Variants in FOXK1 observed in about 807,000 individuals in gnomAD.
FOXK1 encodes forkhead box protein K1.
FOXK1 carries 19 observed loss-of-function variants against 51.9 expected under a neutral mutation model. That is an observed-to-expected ratio of 0.37 (90% CI 0.26 to 0.54). The LOEUF (loss-of-function observed/expected upper bound fraction) is 0.54. FOXK1 is among the 20% of genes least tolerant of loss of function. The pLI is 0.87. For synonymous variants in FOXK1, 537 were observed against 482.6 expected (o/e 1.11, Z -1.48); for missense variants, 870 against 1,032.7 (o/e 0.84, Z 2.16).
Position 4,709,720 on chromosome 7 carries a change from C to T in FOXK1, c.560+26852C>T, listed in dbSNP as rs991490462. On this transcript the variant is annotated intron_variant, in intron 1 of 8. Transcript: ENST00000328914. The surrounding 1 kb of genome is among the most constrained non-coding windows in gnomAD (Gnocchi z 5.6). ...TGCGTTTTACGCCATTGGTTTGGACCCTGGAGCAGTGAAGTTCCACAGTGT... is the reference window on the plus strand; with the variant it reads ...TGCGTTTTACGCCATTGGTTTGGACTCTGGAGCAGTGAAGTTCCACAGTGT... Among the ~76,000 whole-genome samples the T allele has an allele frequency of 2.0e-5, 3 of 152,156 alleles. No homozygotes were observed. Among genetic ancestry groups the T allele is most frequent in the Non-Finnish European group, 4.4e-5 (3 of 68,030 alleles).
chr7:4,689,196 T>C (rs910824837), intron 1 of FOXK1, among the ~76,000 whole-genome samples: 1 of 152,104 alleles, frequency 6.6e-6, no homozygotes, highest in Non-Finnish European at 1.5e-5. Context: ...CAGGCCAGTC[T>C]TGAACTCCTG....
Position 4,753,968 on chromosome 7 carries a change from C to T in FOXK1, c.747-491C>T, listed in dbSNP as rs1780810582. Among the ~76,000 whole-genome samples, 1 of 152,210 alleles carries T rather than the reference C, an allele frequency of 6.6e-6. No individual in the cohort carries two copies. Among genetic ancestry groups the T allele is most frequent in the Non-Finnish European group, 1.5e-5 (1 of 68,030 alleles). On this transcript the variant is annotated intron_variant, in intron 2 of 8. Coordinates refer to ENST00000328914, the MANE Select transcript of FOXK1 (RefSeq NM_001037165.2). The surrounding 1 kb of genome is among the most constrained non-coding windows in gnomAD (Gnocchi z 4.9). ...GGAGAGCCACCTGCCACGCCTTCAC[C>T]CTGCAGGGCGATGGCACCTCCACAG...
rs906969399 is a variant in FOXK1 at position 4,735,761 on chromosome 7, G to A, written c.561-5077G>A. On this transcript the variant is annotated intron_variant, in intron 1 of 8. Coordinates refer to ENST00000328914, the MANE Select transcript of FOXK1 (RefSeq NM_001037165.2). The surrounding 1 kb of genome is among the most constrained non-coding windows in gnomAD (Gnocchi z 4.7). ...GTGCAGCACCTTCACGATGCAAAAC[G>A]TGCTCGTTCAGACTCCAGCTAGAGC... is the stretch of plus-strand genomic sequence containing the variant. Among the ~76,000 whole-genome samples, 2 of 152,174 alleles carry A rather than the reference G, an allele frequency of 1.3e-5. No homozygotes were observed. Among genetic ancestry groups the A allele is most frequent in the African/African-American group, 2.4e-5 (1 of 41,442 alleles).
Position 4,753,103 on chromosome 7 carries a change from G to A in FOXK1, c.747-1356G>A, listed in dbSNP as rs1780800000. 2.0e-5 allele frequency among the ~76,000 whole-genome samples: 3 copies of A among 152,282 alleles called. No homozygotes were observed. In the South Asian group the frequency reaches 6.2e-4, roughly 32 times the overall value. ...GGGAGTCCGTTGTAAGAGAGAATGG[G>A]AATTCCAGATCAGAGTCCTTAACGT... On this transcript the variant is annotated intron_variant, in intron 2 of 8. Coordinates refer to ENST00000328914, the MANE Select transcript of FOXK1 (RefSeq NM_001037165.2). The surrounding 1 kb of genome is among the most constrained non-coding windows in gnomAD (Gnocchi z 4.9).
At chr7:4,684,531 C>G (rs773602921) in intron 1 of FOXK1, among the ~76,000 whole-genome samples, 2 of 152,162 alleles carry the variant, frequency 1.3e-5, no homozygotes, top group African/African-American at 4.8e-5. Context: ...CAGGAGATAA[C>G]AAATTTGTTC....
rs868512456 is a variant in FOXK1, at chr7:4,743,278, C to T, written c.746+2255C>T. Among the ~76,000 whole-genome samples the T allele has an allele frequency of 8.5e-5, 13 of 152,214 alleles. No individual in the cohort carries two copies. The highest frequency in any genetic ancestry group is 5.9e-4 in the Admixed American group (9 of 15,284). On this transcript the variant is annotated intron_variant, in intron 2 of 8. Coordinates refer to ENST00000328914, the MANE Select transcript of FOXK1 (RefSeq NM_001037165.2). The surrounding 1 kb of genome is among the most constrained non-coding windows in gnomAD (Gnocchi z 5.3). ...CACTTTAAAGAGTGAACTGGCCGGG[C>T]GCGGTGGCTCACACTGGTAATGCCA...
intron 1 of FOXK1, among the ~76,000 whole-genome samples, chr7:4,690,164 G>A (rs1779873837): frequency 6.6e-6 from 1 of 152,226 alleles, no homozygotes; most frequent in Admixed American, 6.5e-5. Context: ...CAGGACTGGA[G>A]AGGAGCAGAT....
At position 4,715,250 on chromosome 7, in the gene FOXK1, T is replaced by A. The variant is rs1412653415; in HGVS notation, c.561-25588T>A. On this transcript the variant is annotated intron_variant, in intron 1 of 8. Coordinates refer to ENST00000328914, the MANE Select transcript of FOXK1 (RefSeq NM_001037165.2). This position sits in a 1 kb window ranked among gnomAD's most constrained non-coding sequence, Gnocchi z 4.5. ...GATATCGGGCATGGCGAAATTGTGATACGGTGCATGGTGTTTTGTTTCAAG... is the reference window on the plus strand; with the variant it reads ...GATATCGGGCATGGCGAAATTGTGAAACGGTGCATGGTGTTTTGTTTCAAG... Among the ~76,000 whole-genome samples the A allele has an allele frequency of 6.6e-6, 1 of 152,132 alleles. No homozygotes were observed. Among genetic ancestry groups the A allele is most frequent in the Non-Finnish European group, 1.5e-5 (1 of 68,022 alleles).
chr7:4,705,552 T>TCGCTCTCGCTCTCACTCTCG (rs760518643), intron 1 of FOXK1, among the ~76,000 whole-genome samples: 9 of 143,692 alleles, frequency 6.3e-5, no homozygotes, highest in Non-Finnish European at 7.5e-5. Flanking sequence ...TCTCTCTCTC[T>TCGCTCTCGCTCTCACTCTCG]CTCTCTCGCT....
chr7:4,757,082 G>A lies in FOXK1; in HGVS notation c.1139G>A (p.Arg380Gln), dbSNP rs763312776. The A allele has an allele frequency of 5.0e-6, 8 of 1,613,738 alleles. No individual in the cohort carries two copies. Among genetic ancestry groups the A allele is most frequent in the African/African-American group, 2.7e-5 (2 of 74,922 alleles). The stretch of plus-strand genomic sequence containing the variant: ...GAGCCTGGGAAGGGGTCCTTTTGGC[G>A]AATAGACCCTGCCTCTGAAGCCAAG... The part of the protein sequence containing the change: ...QEEPGKGSFW[R>Q]IDPASEAKLV... The change falls in exon 5 of 9, where the codon CGA (arginine) becomes CAA (glutamine). Residue 380 changes from arginine to glutamine, a missense_variant. Coordinates refer to ENST00000328914, the MANE Select transcript of FOXK1 (RefSeq NM_001037165.2).
chr7:4,754,522 G>C lies in FOXK1; in HGVS notation c.810G>C (p.Gln270His). ...GCTCCTCCAGTTACCGCTTTGTGCA[G>C]AACGTGACCTCGGACCTGCAGCTGG... is the stretch of plus-strand genomic sequence containing the variant. ...GAGSSSYRFV[Q>H]NVTSDLQLAA... The change falls in exon 3 of 9, where the codon CAG becomes CAC. Residue 270 changes from glutamine (Q) to histidine (H), a missense_variant. Around this residue, in one of 3 missense-constraint regions of FOXK1, gnomAD observed 399 missense variants for 475.6 expected, o/e 0.84. Transcript: ENST00000328914. The C allele has an allele frequency of 1.2e-6, 2 of 1,612,758 alleles. No homozygotes were observed. Among genetic ancestry groups the C allele is most frequent in the Non-Finnish European group, 1.7e-6 (2 of 1,180,038 alleles).
chr7:4,704,603 G>GCTAAT (rs961086796), intron 1 of FOXK1, among the ~76,000 whole-genome samples: 1 of 152,076 alleles, frequency 6.6e-6, no homozygotes, highest in African/African-American at 2.4e-5. Context: ...GATAAGCTAA[G>GCTAAT]CTGGGATCCA....
intron 1 of FOXK1, among the ~76,000 whole-genome samples, chr7:4,716,680 A>C (rs114663813): frequency 6.6e-6 from 1 of 152,142 alleles, no homozygotes; most frequent in Non-Finnish European, 1.5e-5. Flanking sequence ...GCGGGTGAGT[A>C]CAGAGGCCAG....
intron 1 of FOXK1, among the ~76,000 whole-genome samples, chr7:4,699,181 G>A (rs1338008070): frequency 3.3e-5 from 5 of 152,056 alleles, no homozygotes; most frequent in African/African-American, 1.2e-4. Flanking sequence ...TTATGTTCTG[G>A]GCTGGCTCTC....
At chr7:4,706,457 T>C (rs1780103661) in intron 1 of FOXK1, among the ~76,000 whole-genome samples, 1 of 152,070 alleles carries the variant, frequency 6.6e-6, no homozygotes, top group African/African-American at 2.4e-5. Flanking sequence ...CCTCTGGCCC[T>C]AGAGTGGGGT....
chr7:4,739,951 G>A (rs1271444174), intron 1 of FOXK1, among the ~76,000 whole-genome samples: 6 of 152,150 alleles, frequency 3.9e-5, no homozygotes, highest in East Asian at 1.9e-4. Flanking sequence ...TGGCATCAGC[G>A]GCACTTGTCT....
rs992243528 is a variant in FOXK1, at chr7:4,753,161, A to G, written c.747-1298A>G. Among the ~76,000 whole-genome samples, 3 of 152,128 alleles carry G rather than the reference A, an allele frequency of 2.0e-5. No individual in the cohort carries two copies. The highest frequency in any genetic ancestry group is 1.9e-4 in the East Asian group (1 of 5,190). On this transcript the variant is annotated intron_variant, in intron 2 of 8. Coordinates refer to ENST00000328914, the MANE Select transcript of FOXK1 (RefSeq NM_001037165.2). This position sits in a 1 kb window ranked among gnomAD's most constrained non-coding sequence, Gnocchi z 4.9. ...GGGTGACACTGAGTCCTTCCTGAAA[A>G]TGCCCCAGACCTGAACTGATCATTA...
intron 1 of FOXK1, among the ~76,000 whole-genome samples, chr7:4,726,079 T>C (rs1037411503): frequency 6.6e-6 from 1 of 152,108 alleles, no homozygotes; most frequent in African/African-American, 2.4e-5. Flanking sequence ...GGGTTTGCAT[T>C]TGGGGGCTCT....
rs962301149 is a variant in FOXK1 at position 4,729,066 on chromosome 7, C to T, written c.561-11772C>T. On this transcript the variant is annotated intron_variant, in intron 1 of 8. Coordinates refer to ENST00000328914, the MANE Select transcript of FOXK1 (RefSeq NM_001037165.2). This position sits in a 1 kb window ranked among gnomAD's most constrained non-coding sequence, Gnocchi z 6.2. ...TTGCTCGTCGCAAGCAAGCTCTGCCCGGGTCAGCCCCAGAGGGTTGCAGAA... is the reference window on the plus strand; with the variant it reads ...TTGCTCGTCGCAAGCAAGCTCTGCCTGGGTCAGCCCCAGAGGGTTGCAGAA... 3.3e-5 allele frequency among the ~76,000 whole-genome samples: 5 copies of T among 152,208 alleles called. No homozygotes were observed. The South Asian group carries it at 6.2e-4, about 19-fold the overall frequency.
Sources: gnomAD v4.1 joint callset for allele counts (sites outside exome capture counted in the v4.1 genomes callset) on GRCh38, gnomAD v4.1.1 for gene constraint, gnomAD v4.1.1 regional missense constraint, Gnocchi (gnomAD v3.1) non-coding constraint, MANE v1.5 for transcripts, NCBI Gene and HGNC (gene_info 2026-07-23, HGNC 2026-07-21) for gene names.